The following CLIC5 variants were observed in gnomAD, a reference collection of about 807,000 sequenced individuals.
CLIC5 encodes CLIC family member 5.
In CLIC5, 20 loss-of-function variants were observed where a neutral mutation model predicts 24.7. That is an observed-to-expected ratio of 0.81 (90% CI 0.57 to 1.18). CLIC5 has a LOEUF of 1.18. Ranked by LOEUF, CLIC5 falls within the 50% of genes most tolerant of loss-of-function variation. CLIC5 has a pLI of 0.00. For missense variants in CLIC5, 341 were observed against 326.1 expected (o/e 1.05, Z -0.35); for synonymous variants, 159 against 135.6 (o/e 1.17, Z -1.20).
chr6:45,895,861 T>C (rs750615146), downstream of CLIC5, among the ~76,000 whole-genome samples: 11 of 152,234 alleles, frequency 7.2e-5, no homozygotes, highest in South Asian at 2.1e-4. Context: ...GTCTCTATTA[T>C]GGCATTTGTA....
At chr6:45,936,388 A>G (rs921243471) in intron 4 of CLIC5, among the ~76,000 whole-genome samples, 16 of 151,772 alleles carry the variant, frequency 1.1e-4, no homozygotes, top group African/African-American at 1.5e-4. Flanking sequence ...TATTTTTAGT[A>G]GAGATGGGGT....
chr6:45,913,880 T>C (rs1010886753), intron 5 of CLIC5: 26 of 1,105,088 alleles, frequency 2.4e-5, no homozygotes, highest in Non-Finnish European at 2.9e-5. Flanking sequence ...GCCAGGGAAA[T>C]CCTATGAGGA....
intron 1 of CLIC5, among the ~76,000 whole-genome samples, chr6:45,969,308 C>G (rs1241087429): frequency 6.6e-6 from 1 of 152,194 alleles, no homozygotes; most frequent in Non-Finnish European, 1.5e-5. Context: ...CCACCTGTGA[C>G]CACCTTTGCT....
At chr6:46,071,090 G>A (rs1481465914) in intron 1 of CLIC5, among the ~76,000 whole-genome samples, 1 of 152,098 alleles carries the variant, frequency 6.6e-6, no homozygotes, top group Non-Finnish European at 1.5e-5. Context: ...ATAGATTAAA[G>A]ATTTAAATGT....
chr6:45,890,811 A>T (rs71566550), intron 6 of CLIC5, among the ~76,000 whole-genome samples: 3 of 152,166 alleles, frequency 2.0e-5, no homozygotes, highest in Non-Finnish European at 4.4e-5. Context: ...GTTAAGTGAA[A>T]TAAGCCAGGC....
intron 1 of CLIC5, among the ~76,000 whole-genome samples, chr6:46,006,171 A>G (rs9689698): frequency 0.62 from 69,580 of 111,470 alleles, 21,885 homozygotes; most frequent in Middle Eastern, 0.77. Context: ...TTTAGATGGA[A>G]TCTTGCCCTA....
downstream of CLIC5, among the ~76,000 whole-genome samples, chr6:45,895,704 T>C (rs1448742245): frequency 6.6e-6 from 1 of 152,208 alleles, no homozygotes; most frequent in East Asian, 1.9e-4. Flanking sequence ...TTGAATAACC[T>C]ACGCTCTATC....
chr6:45,990,844 C>T (rs945666963), intron 1 of CLIC5, among the ~76,000 whole-genome samples: 1 of 152,192 alleles, frequency 6.6e-6, no homozygotes, highest in African/African-American at 2.4e-5. Context: ...TGATGTCAGA[C>T]AAACCTGGAT....
chr6:46,019,899 A>G (rs1767128279), upstream of CLIC5, among the ~76,000 whole-genome samples: 2 of 151,966 alleles, frequency 1.3e-5, no homozygotes, highest in Non-Finnish European at 2.9e-5. Context: ...TATATACTTA[A>G]TAACAGAGCT....
chr6:45,939,462 G>C (rs1455747695), intron 4 of CLIC5, among the ~76,000 whole-genome samples: 1 of 151,912 alleles, frequency 6.6e-6, no homozygotes, highest in Non-Finnish European at 1.5e-5. Flanking sequence ...ACAGTGCTGG[G>C]ATGTAGTCAA....
intron 3 of CLIC5, among the ~76,000 whole-genome samples, chr6:45,947,973 T>C (rs1029130822): frequency 1.3e-5 from 2 of 152,194 alleles, no homozygotes; most frequent in African/African-American, 2.4e-5. Context: ...TATATGATTG[T>C]TTAAGGCTTA....
intron 1 of CLIC5, among the ~76,000 whole-genome samples, chr6:45,983,969 C>T (rs1331489144): frequency 1.3e-5 from 2 of 152,158 alleles, no homozygotes; most frequent in African/African-American, 4.8e-5. Context: ...CTGCTGTAGT[C>T]CCAGCACTAA....
chr6:45,994,662 A>G (rs1766064054), intron 1 of CLIC5, among the ~76,000 whole-genome samples: 2 of 152,176 alleles, frequency 1.3e-5, no homozygotes, highest in South Asian at 4.1e-4. Flanking sequence ...ACCCAACACC[A>G]TGTCTCATGA....
chr6:45,912,707 G>A (rs777653561), intron 5 of CLIC5: 91 of 1,535,370 alleles, frequency 5.9e-5, no homozygotes, highest in Non-Finnish European at 7.5e-5. Flanking sequence ...GACTGAGCTG[G>A]AATTATATCA....
At chr6:45,942,255 A>ATTGTT (rs1357740307) in intron 3 of CLIC5, among the ~76,000 whole-genome samples, 1 of 152,160 alleles carries the variant, frequency 6.6e-6, no homozygotes, top group Non-Finnish European at 1.5e-5. Context: ...TGTGTTTTCA[A>ATTGTT]TTGTTTTATT....
intron 4 of CLIC5, among the ~76,000 whole-genome samples, chr6:45,932,114 T>C (rs932244346): frequency 6.6e-6 from 1 of 152,152 alleles, no homozygotes; most frequent in Admixed American, 6.5e-5. Flanking sequence ...TAAAGTTTCT[T>C]TTCTTTTTTC....
At chr6:46,112,507 G>C in the CLIC5 span, among the ~76,000 whole-genome samples, 4 of 152,194 alleles carry the variant, frequency 2.6e-5, no homozygotes, top group South Asian at 2.1e-4. Context: ...AATGCCTTTG[G>C]GGGGGTAATC....
intron 1 of CLIC5, among the ~76,000 whole-genome samples, chr6:46,043,810 G>A (rs1323137515): frequency 1.3e-5 from 2 of 152,210 alleles, no homozygotes; most frequent in Non-Finnish European, 2.9e-5. Context: ...GGGAGGTGGT[G>A]CTCTACACTG....
chr6:46,058,932 T>G (rs898413236), intron 1 of CLIC5, among the ~76,000 whole-genome samples: 1 of 152,202 alleles, frequency 6.6e-6, no homozygotes. Context: ...GCAGGTTGCA[T>G]CTGTGTTGGA....
Sources: allele counts gnomAD v4.1 joint callset (sites outside exome capture counted in the v4.1 genomes callset), GRCh38; gene constraint gnomAD v4.1.1; transcripts MANE v1.5; gene names NCBI Gene and HGNC (gene_info 2026-07-23, HGNC 2026-07-21).